Variants in DCC observed in about 807,000 individuals in gnomAD.
DCC encodes the protein DCC netrin 1 receptor, also known as netrin receptor DCC.
Under a neutral mutation model 172.5 loss-of-function variants are expected in DCC, and 58 were observed. The observed-to-expected ratio is 0.34, with a 90% CI of 0.27 to 0.42. DCC has a LOEUF of 0.42. DCC is among the 10% of genes least tolerant of loss of function. DCC has a pLI of 1.00. For missense variants in DCC, 1,740 were observed against 1,791.0 expected, an observed-to-expected ratio of 0.97 and a Z score of 0.51; for synonymous variants, 709 against 644.5, an observed-to-expected ratio of 1.10 and a Z score of -1.52.
chr18:53,273,070 G>C (rs1387130051), intron 12 of DCC, among the ~76,000 whole-genome samples: 1 of 152,104 alleles, frequency 6.6e-6, no homozygotes, highest in Non-Finnish European at 1.5e-5. Context: ...AAATAATTTA[G>C]CTTGATTATT....
chr18:53,528,606 G>T (rs1322163612), intron 28 of DCC, among the ~76,000 whole-genome samples: 1 of 152,046 alleles, frequency 6.6e-6, no homozygotes, highest in African/African-American at 2.4e-5. Context: ...AGGAAATAAA[G>T]AGGACAAATA....
chr18:52,842,658 C>T (rs1598858090), intron 2 of DCC, among the ~76,000 whole-genome samples: 1 of 152,264 alleles, frequency 6.6e-6, no homozygotes, highest in African/African-American at 2.4e-5. Flanking sequence ...ATCACTCTTA[C>T]TTAATCAGAA....
At chr18:52,986,821 C>T (rs989434095) in intron 5 of DCC, among the ~76,000 whole-genome samples, 1 of 133,560 alleles carries the variant, frequency 7.5e-6, no homozygotes, top group East Asian at 3.3e-4. Flanking sequence ...TATATACACA[C>T]ACACACATAT....
At chr18:52,355,739 A>G (rs1300505185) in intron 1 of DCC, among the ~76,000 whole-genome samples, 2 of 152,200 alleles carry the variant, frequency 1.3e-5, no homozygotes, top group South Asian at 2.1e-4. Context: ...CATGTAAGAA[A>G]AAAAAAGGTG....
intron 5 of DCC, among the ~76,000 whole-genome samples, chr18:52,997,569 T>C (rs2041501044): frequency 6.6e-6 from 1 of 152,052 alleles, no homozygotes; most frequent in Admixed American, 6.6e-5. Context: ...ATGTAAATTT[T>C]AGATGAGCCA....
intron 27 of DCC, among the ~76,000 whole-genome samples, chr18:53,520,113 C>A (rs572984189): frequency 3.9e-5 from 6 of 152,148 alleles, no homozygotes; most frequent in East Asian, 1.9e-4. Context: ...TAGAAAAAAA[C>A]CAGTTAGTCT....
chr18:53,376,277 G>A (rs924205516), intron 15 of DCC, among the ~76,000 whole-genome samples: 2 of 151,978 alleles, frequency 1.3e-5, no homozygotes, highest in African/African-American at 2.4e-5. Context: ...CCAGCTACTC[G>A]GGAGACTGAG....
intron 1 of DCC, among the ~76,000 whole-genome samples, chr18:52,555,854 C>A (rs953085821): frequency 6.6e-6 from 1 of 152,078 alleles, no homozygotes; most frequent in African/African-American, 2.4e-5. Flanking sequence ...TTTTAGAAAT[C>A]ATTTATTCCT....
chr18:52,875,199 TAAAC>T (rs1325065133), intron 2 of DCC, among the ~76,000 whole-genome samples: 4 of 150,372 alleles, frequency 2.7e-5, no homozygotes, highest in East Asian at 1.9e-4. Flanking sequence ...AACAATATAA[TAAAC>T]AAAGTTAAAA....
intron 5 of DCC, among the ~76,000 whole-genome samples, chr18:52,926,851 ACGTG>A (rs1406383915): frequency 3.4e-5 from 5 of 145,156 alleles, no homozygotes; most frequent in African/African-American, 7.5e-5. Context: ...ACACACATAT[ACGTG>A]TGTGTGTATA....
chr18:53,222,679 C>T (rs528164633), intron 12 of DCC, among the ~76,000 whole-genome samples: 1 of 152,132 alleles, frequency 6.6e-6, no homozygotes, highest in Admixed American at 6.6e-5. Context: ...AACCACCACG[C>T]CCGGCCTATG....
rs372444129 is a variant in DCC at position 53,116,003 on chromosome 18, G to A, written c.1262-41353G>A. On this transcript the variant is annotated intron_variant, in intron 7 of 28. Coordinates refer to ENST00000442544, the MANE Select transcript of DCC (RefSeq NM_005215.4). ...GTGCTGTGGGGAATGGTTCAAAGTA[G>A]ATTAGATAAATTTATGGGTCTGCCA... Among the ~76,000 whole-genome samples, 31 of 151,602 alleles carry A rather than the reference G, an allele frequency of 2.0e-4. No individual in the cohort carries two copies. The East Asian group carries it at 4.9e-3, about 24-fold the overall frequency.
intron 12 of DCC, among the ~76,000 whole-genome samples, chr18:53,276,691 A>C (rs2056809841): frequency 6.6e-6 from 1 of 152,166 alleles, no homozygotes; most frequent in Non-Finnish European, 1.5e-5. Context: ...AGTAAAATCC[A>C]AGGGACCTCA....
At chr18:53,206,381 GTATATA>G (rs2055639341) in intron 10 of DCC, among the ~76,000 whole-genome samples, 1 of 38,740 alleles carries the variant, frequency 2.6e-5, no homozygotes, top group Non-Finnish European at 7.1e-5. Flanking sequence ...ACACATATAT[GTATATA>G]TGTATATATA....
intron 12 of DCC, among the ~76,000 whole-genome samples, chr18:53,242,510 A>G (rs929956879): frequency 2.0e-5 from 3 of 152,200 alleles, no homozygotes; most frequent in Non-Finnish European, 4.4e-5. Context: ...TATATATTAG[A>G]TACCTACTAC....
chr18:53,225,149 T>C (rs2056005765), intron 12 of DCC, among the ~76,000 whole-genome samples: 1 of 152,106 alleles, frequency 6.6e-6, no homozygotes. Context: ...CAGTAAATCA[T>C]GTCAGTAAGG....
At chr18:53,193,964 C>A (rs763791943) in intron 9 of DCC, among the ~76,000 whole-genome samples, 5 of 152,134 alleles carry the variant, frequency 3.3e-5, no homozygotes, top group Non-Finnish European at 5.9e-5. Context: ...TAAAAGCAAT[C>A]TATACCTGTC....
In DCC at chr18:52,452,753, G is replaced by A. The variant is rs139824096; in HGVS notation, c.91+111875G>A. Among the ~76,000 whole-genome samples the A allele has an allele frequency of 1.5e-3, 223 of 152,314 alleles. 1 individual carries two copies. Among genetic ancestry groups the A allele is most frequent in the Middle Eastern group, 6.8e-3 (2 of 294 alleles). On this transcript the variant is annotated intron_variant, in intron 1 of 28. Coordinates refer to ENST00000442544, the MANE Select transcript of DCC (RefSeq NM_005215.4). ...ATTTACACACTTGGTTAAAGGCATAGAATGAATTAAATAAATGTAGGTCAG... is the reference window on the plus strand; with the variant it reads ...ATTTACACACTTGGTTAAAGGCATAAAATGAATTAAATAAATGTAGGTCAG...
chr18:53,116,322 A>G (rs945881494), intron 7 of DCC, among the ~76,000 whole-genome samples: 2 of 151,740 alleles, frequency 1.3e-5, no homozygotes, highest in Non-Finnish European at 3.0e-5. Context: ...TACCCCCTAG[A>G]GGATTCCATT....
Sources: gnomAD v4.1 joint callset for allele counts (sites outside exome capture counted in the v4.1 genomes callset) on GRCh38, gnomAD v4.1.1 for gene constraint, MANE v1.5 for transcripts, NCBI Gene and HGNC (gene_info 2026-07-23, HGNC 2026-07-21) for gene names.